The following TENM3 variants were observed in gnomAD, a reference collection of about 807,000 sequenced individuals.
TENM3 encodes teneurin-3.
In TENM3, 63 loss-of-function variants were observed where a neutral mutation model predicts 255.1. The ratio of observed to expected loss-of-function variants is 0.25; its 90% CI spans 0.20 to 0.30. TENM3 has a LOEUF of 0.30. Among genes scored for constraint, TENM3 ranks in the 10% least tolerant of loss-of-function variants. The pLI is 1.00. For synonymous variants in TENM3, 1,306 were observed against 1,322.3 expected (o/e 0.99, Z 0.27); for missense variants, 2,929 against 3,461.1 (o/e 0.85, Z 3.86).
At chr4:182,427,657 T>A (rs1022180195) in intron 3 of TENM3, among the ~76,000 whole-genome samples, 2 of 152,156 alleles carry the variant, frequency 1.3e-5, no homozygotes, top group African/African-American at 4.8e-5. Context: ...CCTATAGTAA[T>A]ACAGAGGTCA....
At chr4:182,272,239 T>A (rs372771132) in intron 1 of TENM3, among the ~76,000 whole-genome samples, 16 of 152,268 alleles carry the variant, frequency 1.1e-4, no homozygotes, top group African/African-American at 3.6e-4. Flanking sequence ...TTAATCTCAA[T>A]CCTCCACACT....
At chr4:182,191,469 C>A (rs1303336328) in intron 1 of TENM3, among the ~76,000 whole-genome samples, 2 of 152,120 alleles carry the variant, frequency 1.3e-5, no homozygotes, top group Non-Finnish European at 2.9e-5. Flanking sequence ...GAGTGTCAGG[C>A]AGATCATCCG....
chr4:181,563,091 G>A, the TENM3 span, among the ~76,000 whole-genome samples: 1 of 152,210 alleles, frequency 6.6e-6, no homozygotes, highest in Admixed American at 6.5e-5. Context: ...CGTTTGCTAG[G>A]GCTGCCTTAA....
the TENM3 span, among the ~76,000 whole-genome samples, chr4:181,560,486 C>T: frequency 6.6e-5 from 10 of 152,198 alleles, no homozygotes; most frequent in African/African-American, 1.9e-4. Context: ...AGAAGGGTAT[C>T]GGTGAAAGGA....
At chr4:182,211,680 G>A (rs749927525) in intron 1 of TENM3, among the ~76,000 whole-genome samples, 6 of 152,162 alleles carry the variant, frequency 3.9e-5, no homozygotes, top group Non-Finnish European at 2.9e-5. Flanking sequence ...AAAACTGATC[G>A]TTATGCTGAA....
intron 3 of TENM3, among the ~76,000 whole-genome samples, chr4:182,528,439 A>T (rs1242095300): frequency 6.6e-6 from 1 of 152,228 alleles, no homozygotes; most frequent in African/African-American, 2.4e-5. Context: ...ATACTGTATT[A>T]TAAAACATTT....
chr4:181,612,888 A>G, the TENM3 span, among the ~76,000 whole-genome samples: 1 of 152,222 alleles, frequency 6.6e-6, no homozygotes, highest in Non-Finnish European at 1.5e-5. Flanking sequence ...TTTCATACCA[A>G]TTTGAGGGAC....
the TENM3 span, among the ~76,000 whole-genome samples, chr4:181,744,144 G>A: frequency 1.3e-5 from 2 of 152,174 alleles, no homozygotes; most frequent in South Asian, 4.1e-4. Context: ...TCGCTGCAAA[G>A]GACATGATCT....
At chr4:181,546,472 T>C in the TENM3 span, among the ~76,000 whole-genome samples, 1 of 150,806 alleles carries the variant, frequency 6.6e-6, no homozygotes, top group South Asian at 2.1e-4. Flanking sequence ...TCCCAGCACT[T>C]TGGGAGGCCG....
chr4:182,536,379 C>A (rs1441177826), intron 3 of TENM3, among the ~76,000 whole-genome samples: 2 of 152,232 alleles, frequency 1.3e-5, no homozygotes, highest in African/African-American at 4.8e-5. Context: ...AGGAATGTTA[C>A]AACTAATGCC....
intron 3 of TENM3, among the ~76,000 whole-genome samples, chr4:182,362,372 C>T (rs1766071008): frequency 9.4e-4 from 1 of 1,064 alleles, no homozygotes; most frequent in Admixed American, 0.022. Context: ...GTGGGCTCTA[C>T]CCAGTTGGAG....
intron 3 of TENM3, among the ~76,000 whole-genome samples, chr4:182,362,400 G>T (rs1766074515): frequency 6.6e-6 from 1 of 151,902 alleles, no homozygotes; most frequent in African/African-American, 2.4e-5. Flanking sequence ...CGGCTGCTTT[G>T]TTTACCTAAG....
At chr4:182,017,039 A>G in the TENM3 span, among the ~76,000 whole-genome samples, 1 of 152,374 alleles carries the variant, frequency 6.6e-6, no homozygotes, top group Middle Eastern at 3.4e-3. Flanking sequence ...CAATGGACAC[A>G]TATTCCAAAC....
chr4:181,470,114 A>AAAAC, the TENM3 span, among the ~76,000 whole-genome samples: 1 of 123,666 alleles, frequency 8.1e-6, no homozygotes, highest in Non-Finnish European at 1.8e-5. Flanking sequence ...TCTGTAAAAA[A>AAAAC]AAAAAAAAAA....
At chr4:182,104,473 A>G in the TENM3 span, among the ~76,000 whole-genome samples, 1 of 150,380 alleles carries the variant, frequency 6.6e-6, no homozygotes, top group African/African-American at 2.4e-5. Flanking sequence ...ACCCTTCCTA[A>G]CAGATCATCC....
chr4:182,068,832 C>T, the TENM3 span, among the ~76,000 whole-genome samples: 3,856 of 151,882 alleles, frequency 0.025, 85 homozygotes, highest in South Asian at 0.063. Context: ...AATGAATAAA[C>T]GCATTAATGA....
chr4:182,106,555 A>G, the TENM3 span, among the ~76,000 whole-genome samples: 1 of 152,084 alleles, frequency 6.6e-6, no homozygotes, highest in African/African-American at 2.4e-5. Flanking sequence ...CATCAAACTA[A>G]ATGTCCTATA....
At chr4:181,671,979 A>C in the TENM3 span, among the ~76,000 whole-genome samples, 2 of 152,214 alleles carry the variant, frequency 1.3e-5, no homozygotes, top group Non-Finnish European at 2.9e-5. Context: ...CCTGATAAAA[A>C]GATAACATCT....
At chr4:181,474,279 T>G in the TENM3 span, among the ~76,000 whole-genome samples, 2 of 148,008 alleles carry the variant, frequency 1.4e-5, 1 homozygote, top group Non-Finnish European at 3.0e-5. Context: ...CAAAACTGCA[T>G]GTTCTGCACA....
Sources: allele counts gnomAD v4.1 joint callset (sites outside exome capture counted in the v4.1 genomes callset), GRCh38; gene constraint gnomAD v4.1.1; transcripts MANE v1.5; gene names NCBI Gene and HGNC (gene_info 2026-07-23, HGNC 2026-07-21).